Variants in ZFAND3 observed in about 807,000 individuals in gnomAD.
ZFAND3 encodes zinc finger AN1-type containing 3, also known as AN1-type zinc finger protein 3.
In ZFAND3, 10 loss-of-function variants were observed where a neutral mutation model predicts 29.6. That is an observed-to-expected ratio of 0.34 (90% CI 0.21 to 0.57). The LOEUF (loss-of-function observed/expected upper bound fraction) is 0.57. Ranked by LOEUF, ZFAND3 falls within the 20% of genes least tolerant of loss-of-function variation. The pLI is 0.86. For missense variants in ZFAND3, 230 were observed against 304.5 expected (o/e 0.76, Z 1.82); for synonymous variants, 128 against 112.6 (o/e 1.14, Z -0.87).
At chr6:38,023,460 C>T (rs1413101367) in intron 2 of ZFAND3, among the ~76,000 whole-genome samples, 1 of 152,104 alleles carries the variant, frequency 6.6e-6, no homozygotes. Context: ...TGTTAATTAG[C>T]TTGATTTAGC....
chr6:37,840,975 T>C (rs1172056734), intron 1 of ZFAND3, among the ~76,000 whole-genome samples: 5 of 152,216 alleles, frequency 3.3e-5, no homozygotes, highest in Non-Finnish European at 5.9e-5. Flanking sequence ...ATATGCTTTG[T>C]AACCATAATG....
At chr6:38,081,176 A>G (rs1214325670) in intron 3 of ZFAND3, among the ~76,000 whole-genome samples, 1 of 151,748 alleles carries the variant, frequency 6.6e-6, no homozygotes, top group African/African-American at 2.4e-5. Context: ...TTTTTTAAAG[A>G]AAGATTATGA....
chr6:37,846,519 A>G (rs1581704796), intron 1 of ZFAND3, among the ~76,000 whole-genome samples: 1 of 152,190 alleles, frequency 6.6e-6, no homozygotes, highest in South Asian at 2.1e-4. Context: ...AGCACTATGT[A>G]GTATACAGAC....
At chr6:37,937,507 T>C (rs1340736149) in intron 2 of ZFAND3, among the ~76,000 whole-genome samples, 1 of 151,868 alleles carries the variant, frequency 6.6e-6, no homozygotes, top group Non-Finnish European at 1.5e-5. Context: ...ATACAAAAAT[T>C]AGCTGGGCCT....
At chr6:38,023,608 G>C (rs1026037031) in intron 2 of ZFAND3, among the ~76,000 whole-genome samples, 18 of 151,904 alleles carry the variant, frequency 1.2e-4, no homozygotes, top group African/African-American at 4.4e-4. Flanking sequence ...CTGACTTTTT[G>C]GCATAGGCAA....
intron 4 of ZFAND3, among the ~76,000 whole-genome samples, chr6:38,096,715 T>C (rs1336483193): frequency 1.3e-5 from 2 of 152,156 alleles, no homozygotes; most frequent in South Asian, 2.1e-4. Flanking sequence ...ATAATCTTTC[T>C]CTAATTCTTT....
chr6:38,010,988 C>T (rs534598641), intron 2 of ZFAND3, among the ~76,000 whole-genome samples: 3 of 151,208 alleles, frequency 2.0e-5, no homozygotes, highest in Middle Eastern at 3.4e-3. Context: ...AAGTGATCCT[C>T]GCACCTCAGC....
intron 3 of ZFAND3, among the ~76,000 whole-genome samples, chr6:38,071,977 CTACT>C (rs1260310375): frequency 2.6e-5 from 4 of 152,028 alleles, no homozygotes; most frequent in African/African-American, 7.2e-5. Context: ...TTTTGAATAG[CTACT>C]TAATTTTTTA....
chr6:37,952,525 T>C (rs2127421265), intron 2 of ZFAND3, among the ~76,000 whole-genome samples: 1 of 152,314 alleles, frequency 6.6e-6, no homozygotes, highest in Non-Finnish European at 1.5e-5. Flanking sequence ...ATAATTTTTT[T>C]TTAAATTTCT....
intron 1 of ZFAND3, among the ~76,000 whole-genome samples, chr6:37,841,742 C>A (rs1244542863): frequency 1.3e-5 from 2 of 152,330 alleles, no homozygotes; most frequent in Admixed American, 6.5e-5. Flanking sequence ...CTCGGCCCCC[C>A]AAAGCGCTGG....
At chr6:38,009,886 T>C (rs895297341) in intron 2 of ZFAND3, among the ~76,000 whole-genome samples, 2 of 152,222 alleles carry the variant, frequency 1.3e-5, no homozygotes, top group East Asian at 3.8e-4. Flanking sequence ...ATTTTATCAC[T>C]TGTTTTGGCC....
At chr6:38,041,698 TCC>T (rs1763776130) in intron 2 of ZFAND3, among the ~76,000 whole-genome samples, 5 of 248 alleles carry the variant, frequency 0.02, no homozygotes, top group African/African-American at 0.028. Context: ...CTTCTCCTTC[TCC>T]TCCTCCTCCT....
chr6:38,078,600 T>C (rs1764597592), intron 3 of ZFAND3, among the ~76,000 whole-genome samples: 1 of 152,232 alleles, frequency 6.6e-6, no homozygotes, highest in Non-Finnish European at 1.5e-5. Flanking sequence ...CAAGGAACTT[T>C]GTAATTTTTT....
chr6:38,136,763 G>T (rs372159968), intron 5 of ZFAND3, among the ~76,000 whole-genome samples: 1 of 152,198 alleles, frequency 6.6e-6, no homozygotes, highest in Non-Finnish European at 1.5e-5. Flanking sequence ...CACACCCAGT[G>T]CTGTTCTTTC....
chr6:37,901,118 A>G (rs1366152707), intron 1 of ZFAND3, among the ~76,000 whole-genome samples: 1 of 152,150 alleles, frequency 6.6e-6, no homozygotes, highest in Non-Finnish European at 1.5e-5. Flanking sequence ...GGAGCAAGGG[A>G]GCAAGCCGTC....
At chr6:38,059,845 C>T (rs1359192296) in intron 2 of ZFAND3, among the ~76,000 whole-genome samples, 2 of 152,172 alleles carry the variant, frequency 1.3e-5, no homozygotes, top group South Asian at 4.1e-4. Flanking sequence ...CACTGCACTT[C>T]AGCCTGGCCA....
Position 38,041,914 on chromosome 6 carries a change from G to A in ZFAND3, c.113-19679G>A, listed in dbSNP as rs531207420. ...TACAGTGACACAATCTCGCCTCACC[G>A]CAGCCTCTGCCTCCCAGGTTGAAGT... On this transcript the variant is annotated intron_variant, in intron 2 of 5. Transcript: ENST00000287218. 6.9e-5 allele frequency among the ~76,000 whole-genome samples: 10 copies of A among 145,638 alleles called. No individual in the cohort carries two copies. In the East Asian group the frequency reaches 1.0e-3, roughly 15 times the overall value.
intron 4 of ZFAND3, among the ~76,000 whole-genome samples, chr6:38,083,810 C>G (rs184056237): frequency 6.6e-6 from 1 of 152,034 alleles, no homozygotes; most frequent in Admixed American, 6.6e-5. Context: ...TGGTGAATAT[C>G]ATTTACTTGT....
chr6:38,064,291 A>G (rs1007838371), intron 3 of ZFAND3, among the ~76,000 whole-genome samples: 2 of 152,198 alleles, frequency 1.3e-5, no homozygotes, highest in Non-Finnish European at 1.5e-5. Context: ...AACAGTAGCT[A>G]CCATTTATTG....
Sources: gnomAD v4.1 joint callset for allele counts (sites outside exome capture counted in the v4.1 genomes callset) on GRCh38, gnomAD v4.1.1 for gene constraint, MANE v1.5 for transcripts, NCBI Gene and HGNC (gene_info 2026-07-23, HGNC 2026-07-21) for gene names.